Variants in TLL2 observed in about 807,000 individuals in gnomAD.
TLL2 encodes the protein tolloid like 2.
In TLL2, 106 loss-of-function variants were observed where a neutral mutation model predicts 123.0. The observed-to-expected ratio is 0.86, with a 90% confidence interval of 0.74 to 1.01. The LOEUF (loss-of-function observed/expected upper bound fraction) is 1.01. TLL2 is among the 50% of genes least tolerant of loss of function. The pLI is 0.00. For missense variants in TLL2, 1,332 were observed against 1,336.7 expected (o/e 1.00, Z 0.06); for synonymous variants, 494 against 516.8 (o/e 0.96, Z 0.60).
chr10:96,379,778 C>T (rs868631919), intron 16 of TLL2, among the ~76,000 whole-genome samples: 6 of 152,310 alleles, frequency 3.9e-5, no homozygotes, highest in East Asian at 3.9e-4. Context: ...GCAGAGATCG[C>T]GCCAGTGCAC....
intron 1 of TLL2, among the ~76,000 whole-genome samples, chr10:96,498,598 C>T (rs1847501987): frequency 6.6e-6 from 1 of 152,284 alleles, no homozygotes; most frequent in African/African-American, 2.4e-5. Flanking sequence ...CCAGGTCCTC[C>T]AAAATAAAGC....
Position 96,481,160 on chromosome 10 carries a change from T to TTA in TLL2, c.176-702_176-701insTA, listed in dbSNP as rs1554940204. 4.7e-3 allele frequency among the ~76,000 whole-genome samples: 711 copies of TTA among 151,258 alleles called. 5 individuals are homozygous for TTA. Among genetic ancestry groups the TTA allele is most frequent in the Middle Eastern group, 0.024 (7 of 286 alleles). ...GTTGGGGGATGGATTTTTTTTTTTT[T>TTA]AAGAGAGACAGAGTCTTGCTCTGTA... On this transcript the variant is annotated intron_variant, in intron 1 of 20. Coordinates refer to ENST00000357947, the MANE Select transcript of TLL2 (RefSeq NM_012465.4).
Position 96,368,041 on chromosome 10 carries a change from A to G in TLL2, c.*47T>C. 1.2e-6 allele frequency: 2 copies of G among 1,609,318 alleles called. No individual in the cohort carries two copies. The highest frequency in any genetic ancestry group is 1.7e-6 in the Non-Finnish European group (2 of 1,177,144). Reference sequence around the variant, plus strand: ...AGGTGCTATTGTTGTTAAAAACAAAACAAAACAAAAAAAATTCTCAGTTTC... The same window carrying G: ...AGGTGCTATTGTTGTTAAAAACAAAGCAAAACAAAAAAAATTCTCAGTTTC... On this transcript the variant is annotated 3_prime_UTR_variant, in exon 21 of 21. Coordinates refer to ENST00000357947, the MANE Select transcript of TLL2 (RefSeq NM_012465.4).
At chr10:96,430,921 A>T (rs762620402) in intron 4 of TLL2, among the ~76,000 whole-genome samples, 1 of 152,134 alleles carries the variant, frequency 6.6e-6, no homozygotes, top group Non-Finnish European at 1.5e-5. Flanking sequence ...AACAACAACA[A>T]CAAAAAATAG....
intron 1 of TLL2, among the ~76,000 whole-genome samples, chr10:96,502,935 G>C (rs1171924268): frequency 2.0e-5 from 3 of 152,152 alleles, no homozygotes; most frequent in Admixed American, 6.5e-5. Flanking sequence ...AATATTTATT[G>C]GTAATTGGCA....
intron 14 of TLL2, 88 bp from the exon 15 acceptor site, chr10:96,386,303 T>G: frequency 7.6e-7 from 1 of 1,318,060 alleles, no homozygotes; most frequent in Non-Finnish European, 1.0e-6. Flanking sequence ...GCCTTGCTGT[T>G]CTGTAATAAT....
At chr10:96,411,749 G>A (rs1440279635) in intron 8 of TLL2, among the ~76,000 whole-genome samples, 2 of 152,196 alleles carry the variant, frequency 1.3e-5, no homozygotes, top group Non-Finnish European at 2.9e-5. Flanking sequence ...CATGGCGACT[G>A]ACTGAGCTTT....
At chr10:96,386,265 A>T (rs749753183) in intron 14 of TLL2, 50 bp from the exon 15 acceptor site, 2 of 1,480,040 alleles carry the variant, frequency 1.4e-6, no homozygotes, top group Non-Finnish European at 9.0e-7. Context: ...GCTCCAGGTG[A>T]CTGTGATTTC....
At chr10:96,495,556 A>G (rs1283555843) in intron 1 of TLL2, among the ~76,000 whole-genome samples, 1 of 152,096 alleles carries the variant, frequency 6.6e-6, no homozygotes, top group East Asian at 1.9e-4. Flanking sequence ...TATTCATGGG[A>G]TGGTGTTAAT....
intron 1 of TLL2, among the ~76,000 whole-genome samples, chr10:96,506,596 G>A (rs1187560911): frequency 6.6e-6 from 1 of 151,602 alleles, no homozygotes; most frequent in African/African-American, 2.4e-5. Flanking sequence ...CCAAGGGCAG[G>A]GTTGAGTCTA....
At chr10:96,403,086 A>G (rs1005323318) in intron 10 of TLL2, among the ~76,000 whole-genome samples, 9 of 152,148 alleles carry the variant, frequency 5.9e-5, no homozygotes, top group African/African-American at 2.2e-4. Context: ...CCCCTCTACG[A>G]GTGAGGACAA....
chr10:96,460,092 A>C (rs1025152560), intron 2 of TLL2, among the ~76,000 whole-genome samples: 10 of 152,240 alleles, frequency 6.6e-5, no homozygotes, highest in African/African-American at 2.4e-4. Flanking sequence ...ATAAAATTTC[A>C]AAACCTTTGT....
intron 2 of TLL2, among the ~76,000 whole-genome samples, chr10:96,451,322 T>C (rs1846956818): frequency 6.6e-6 from 1 of 152,122 alleles, no homozygotes; most frequent in African/African-American, 2.4e-5. Flanking sequence ...GTGCCTTAAT[T>C]AGATGCATCA....
At position 96,395,913 on chromosome 10, in the gene TLL2, C is replaced by T. The variant is rs764375672; in HGVS notation, c.1492G>A (p.Glu498Lys). Reference protein sequence around the residue: ...KECVWRITVSEGFHVGLTFQA... With the variant: ...KECVWRITVSKGFHVGLTFQA... ...AAGGTAAGTCCCACGTGAAACCCCT[C>T]TGAAACCGTAATCCTCCAGACACAT... Residue 498 changes from glutamate to lysine, a missense_variant, in exon 12 of 21, where the codon GAG becomes AAG. By Grantham distance (56) the Glu-to-Lys change is moderately conservative. Transcript: ENST00000357947. 4 of 1,614,212 alleles carry T rather than the reference C, an allele frequency of 2.5e-6. No individual in the cohort carries two copies. The highest frequency in any genetic ancestry group is 3.4e-6 in the Non-Finnish European group (4 of 1,180,042).
chr10:96,488,111 C>T (rs61857635), intron 1 of TLL2, among the ~76,000 whole-genome samples: 54,976 of 152,100 alleles, frequency 0.36, 10,202 homozygotes, highest in Middle Eastern at 0.5. Flanking sequence ...CGAGCATCAG[C>T]TGAGATAATG....
intron 1 of TLL2, among the ~76,000 whole-genome samples, chr10:96,480,991 GA>G (rs1847307309): frequency 6.6e-6 from 1 of 152,214 alleles, no homozygotes; most frequent in South Asian, 2.1e-4. Context: ...CCCTGTCCCA[GA>G]AGACAAGCAA....
intron 1 of TLL2, among the ~76,000 whole-genome samples, chr10:96,486,504 G>C (rs4917739): frequency 5.9e-5 from 9 of 151,932 alleles, no homozygotes; most frequent in African/African-American, 2.2e-4. Flanking sequence ...AGACACTCTG[G>C]CTCCTCATCG....
At chr10:96,390,069 TG>T (rs1846271663) in intron 13 of TLL2, among the ~76,000 whole-genome samples, 2 of 152,230 alleles carry the variant, frequency 1.3e-5, no homozygotes, top group South Asian at 4.1e-4. Context: ...CAGAAAAATC[TG>T]GGAGAGCGTG....
Position 96,476,240 on chromosome 10 carries a change from A to ATATTTTTTTTTT in TLL2, c.286+4108_286+4109insAAAAAAAAAATA. Among the ~76,000 whole-genome samples, 15 of 20,454 alleles carry ATATTTTTTTTTT rather than the reference A, an allele frequency of 7.3e-4. No homozygotes were observed. The South Asian group carries it at 0.011, about 14-fold the overall frequency. 13.4% of individuals were successfully genotyped at this position (20,454 alleles called of 152,430 possible). On this transcript the variant is annotated intron_variant, in intron 2 of 20. Coordinates refer to ENST00000357947, the MANE Select transcript of TLL2 (RefSeq NM_012465.4). ...TTTATATGTATATATATATATATAT[A>ATATTTTTTTTTT]TTTTATTTTTGTTGTTGTTGTTGTT... is the stretch of plus-strand genomic sequence containing the variant.
Sources: gnomAD v4.1 joint callset for allele counts (sites outside exome capture counted in the v4.1 genomes callset) on GRCh38, gnomAD v4.1.1 for gene constraint, MANE v1.5 for transcripts, NCBI Gene and HGNC (gene_info 2026-07-23, HGNC 2026-07-21) for gene names.